The following RNFT2 variants were observed in gnomAD, a reference collection of about 807,000 sequenced individuals.
RNFT2 encodes the protein ring finger protein, transmembrane 2.
A neutral mutation model predicts 53.0 loss-of-function variants in RNFT2; 36 were observed. The observed-to-expected ratio is 0.68, with a 90% CI of 0.52 to 0.90. The LOEUF (loss-of-function observed/expected upper bound fraction) is 0.90, where lower values mean the gene tolerates loss of function less well. Among genes scored for constraint, RNFT2 ranks in the 40% least tolerant of loss-of-function variants. The pLI is 0.00. For missense variants in RNFT2, 514 were observed against 585.6 expected (o/e 0.88, Z 1.26); for synonymous variants, 260 against 253.2 (o/e 1.03, Z -0.26).
intron 7 of RNFT2, among the ~76,000 whole-genome samples, chr12:116,809,589 C>G (rs1875266266): frequency 1.3e-5 from 2 of 152,210 alleles, no homozygotes; most frequent in Admixed American, 1.3e-4. Flanking sequence ...GTTCCCGATT[C>G]AGACATCCCG....
chr12:116,807,881 A>G (rs1287230590), intron 7 of RNFT2, among the ~76,000 whole-genome samples: 1 of 152,074 alleles, frequency 6.6e-6, no homozygotes, highest in Non-Finnish European at 1.5e-5. Flanking sequence ...GTGGCTCACT[A>G]CAGCCTCAAA....
At chr12:116,810,425 C>T (rs1306628859) in intron 7 of RNFT2, among the ~76,000 whole-genome samples, 1 of 152,168 alleles carries the variant, frequency 6.6e-6, no homozygotes, top group Non-Finnish European at 1.5e-5. Context: ...CCATTCCCAC[C>T]AGACTCTAAG....
Position 116,841,768 on chromosome 12 carries a change from T to TATATATATATAAATATATATATATAA in RNFT2, c.1200+5510_1200+5535dup, listed in dbSNP as rs1289567278. On this transcript the variant is annotated intron_variant, in intron 10 of 10. Transcript: ENST00000257575. ...GTCTCAAAAAATATATAAATATAAATATATATATATAAATATATATATATA... is the reference window on the plus strand; with the variant it reads ...GTCTCAAAAAATATATAAATATAAATATATATATATAAATATATATATATAAATATATATATAAATATATATATATA... Among the ~76,000 whole-genome samples, 500 of 96,516 alleles carry TATATATATATAAATATATATATATAA rather than the reference T, an allele frequency of 5.2e-3. 45 individuals carry two copies. The highest frequency in any genetic ancestry group is 9.4e-3 in the Middle Eastern group (2 of 212). The allele number at this position is 96,516 out of a possible 152,430, so 63.3% of individuals were successfully genotyped here.
At chr12:116,804,403 T>A (rs1235917345) in intron 7 of RNFT2, among the ~76,000 whole-genome samples, 1 of 152,240 alleles carries the variant, frequency 6.6e-6, no homozygotes, top group African/African-American at 2.4e-5. Flanking sequence ...CACACTGAAG[T>A]TTGATAACCA....
intron 7 of RNFT2, among the ~76,000 whole-genome samples, chr12:116,813,389 C>T (rs1368155895): frequency 6.6e-6 from 1 of 152,198 alleles, no homozygotes; most frequent in African/African-American, 2.4e-5. Flanking sequence ...TCCTCCAGGC[C>T]TTTGCAGTGG....
At chr12:116,752,143 A>G (rs564525192) in intron 4 of RNFT2, among the ~76,000 whole-genome samples, 1 of 151,920 alleles carries the variant, frequency 6.6e-6, no homozygotes, top group East Asian at 2.0e-4. Flanking sequence ...TGAGGCTGGG[A>G]GTTCGAGACC....
chr12:116,755,887 C>T lies in RNFT2; in HGVS notation c.627+1827C>T, dbSNP rs1872487037. ...TTGTGTTCGTCATTTTGGCGAATTA[C>T]TAGAAGATGGCAGTTCCGGCTGAAA... On this transcript the variant is annotated intron_variant, in intron 5 of 10. Coordinates refer to ENST00000257575, the MANE Select transcript of RNFT2 (RefSeq NM_001382266.1). The T allele has an allele frequency of 2.0e-6, 3 of 1,473,546 alleles. No individual in the cohort carries two copies. The Admixed American group carries it at 5.0e-5, about 25-fold the overall frequency. The allele number at this position is 1,473,546 out of a possible 1,614,324, so 91.3% of individuals were successfully genotyped here. A position where few individuals can be genotyped will look rare whatever the true frequency, so the allele number is the denominator to read the frequency against.
At position 116,754,190 on chromosome 12, in the gene RNFT2, C is replaced by T. The variant is rs1023289107; in HGVS notation, c.627+130C>T. 7 of 709,280 alleles carry T rather than the reference C, an allele frequency of 9.9e-6. No individual in the cohort carries two copies. In the Admixed American group the frequency reaches 1.5e-4, roughly 15 times the overall value. 43.9% of individuals were successfully genotyped at this position (709,280 alleles called of 1,614,324 possible). On this transcript the variant is annotated intron_variant, in intron 5 of 10. Transcript: ENST00000257575. ...ATGCCTTTGCGTCCTCATAGCTTAA[C>T]TCCCACATATCAGTGAGAACGTACA...
chr12:116,836,877 C>T (rs1363169778), intron 10 of RNFT2, among the ~76,000 whole-genome samples: 1 of 151,990 alleles, frequency 6.6e-6, no homozygotes, highest in African/African-American at 2.4e-5. Context: ...TTGCAGTGAG[C>T]CGAGGTCATG....
intron 7 of RNFT2, among the ~76,000 whole-genome samples, chr12:116,809,182 AGTTT>A (rs1875237053): frequency 9.8e-6 from 1 of 102,016 alleles, no homozygotes; most frequent in African/African-American, 3.9e-5. Context: ...GTTAGAGCTG[AGTTT>A]GTTCATTCAT....
chr12:116,757,011 T>C (rs1452311546), intron 5 of RNFT2, among the ~76,000 whole-genome samples: 1 of 152,188 alleles, frequency 6.6e-6, no homozygotes, highest in Non-Finnish European at 1.5e-5. Flanking sequence ...CTGCTTGTTA[T>C]TGGTCTGTTT....
At chr12:116,806,623 A>G (rs949669937) in intron 7 of RNFT2, among the ~76,000 whole-genome samples, 15 of 151,700 alleles carry the variant, frequency 9.9e-5, no homozygotes, top group Admixed American at 2.0e-4. Context: ...ACGGCGGTGC[A>G]CACCTGTAGT....
chr12:116,787,790 A>T (rs913322064), intron 7 of RNFT2, among the ~76,000 whole-genome samples: 1 of 151,902 alleles, frequency 6.6e-6, no homozygotes, highest in South Asian at 2.1e-4. Context: ...GAGGCAGGTG[A>T]GGCTTTGTGG....
intron 4 of RNFT2, among the ~76,000 whole-genome samples, chr12:116,750,982 C>A (rs1872226715): frequency 6.8e-6 from 1 of 147,922 alleles, no homozygotes; most frequent in Non-Finnish European, 1.5e-5. Context: ...CTCACTGCAA[C>A]CTTCGCTTAC....
intron 6 of RNFT2, 111 bp downstream of exon 6, chr12:116,767,025 C>T (rs1872946579): frequency 4.3e-6 from 3 of 690,130 alleles, no homozygotes; most frequent in Middle Eastern, 8.0e-4. Context: ...CATGTTGTAA[C>T]TTCCAAATTC....
At chr12:116,843,689 C>A (rs543716990) in intron 10 of RNFT2, among the ~76,000 whole-genome samples, 1 of 99,800 alleles carries the variant, frequency 1.0e-5, no homozygotes, top group African/African-American at 4.3e-5. Flanking sequence ...CAGCCGTGAA[C>A]TCCTCAGCTG....
At chr12:116,738,905 GGATTAAGTTGA>G (rs1433520661) in intron 1 of RNFT2, among the ~76,000 whole-genome samples, 1 of 152,088 alleles carries the variant, frequency 6.6e-6, no homozygotes, top group Admixed American at 6.6e-5. Context: ...GGCGAGAGGA[GGATTAAGTTGA>G]GATTGCAAAT....
chr12:116,838,582 A>G (rs1175924845), intron 10 of RNFT2, among the ~76,000 whole-genome samples: 1 of 152,218 alleles, frequency 6.6e-6, no homozygotes, highest in African/African-American at 2.4e-5. Flanking sequence ...AGCTTTGCCA[A>G]TCTGACAGGT....
chr12:116,821,466 C>T (rs1876018410), intron 7 of RNFT2, among the ~76,000 whole-genome samples: 1 of 152,232 alleles, frequency 6.6e-6, no homozygotes, highest in Non-Finnish European at 1.5e-5. Flanking sequence ...TCCCCACAAC[C>T]CCACCATCCT....
Sources: gnomAD v4.1 joint callset for allele counts (sites outside exome capture counted in the v4.1 genomes callset) on GRCh38, gnomAD v4.1.1 for gene constraint, MANE v1.5 for transcripts, NCBI Gene and HGNC (gene_info 2026-07-23, HGNC 2026-07-21) for gene names.